CRYZL1: variants seen among roughly 807,000 people sequenced by gnomAD.
The protein encoded by CRYZL1 is ferry endosomal RAB5 effector complex subunit 4.
Under a neutral mutation model 50.6 loss-of-function variants are expected in CRYZL1, and 34 were observed. The ratio of observed to expected loss-of-function variants is 0.67; its 90% CI spans 0.51 to 0.89. CRYZL1 has a LOEUF of 0.89. Ranked by LOEUF, CRYZL1 falls within the 40% of genes least tolerant of loss-of-function variation. CRYZL1 has a pLI of 0.00. For missense variants in CRYZL1, 354 were observed against 402.3 expected (o/e 0.88, Z 1.03); for synonymous variants, 125 against 134.3 (o/e 0.93, Z 0.48).
chr21:33,604,355 C>CAAAAA (rs71194858), intron 6 of CRYZL1, among the ~76,000 whole-genome samples: 4 of 69,622 alleles, frequency 5.7e-5, no homozygotes, highest in Non-Finnish European at 7.6e-5. Context: ...GACTCCGTCT[C>CAAAAA]AAAAAAAAAA....
At chr21:33,591,904 GC>G (rs2086646292) in intron 11 of CRYZL1, among the ~76,000 whole-genome samples, 1 of 151,120 alleles carries the variant, frequency 6.6e-6, no homozygotes, top group African/African-American at 2.4e-5. Flanking sequence ...GTTACAGTGA[GC>G]TGGAATGAGC....
At chr21:33,611,995 T>C (rs2086877655) in intron 6 of CRYZL1, among the ~76,000 whole-genome samples, 1 of 152,212 alleles carries the variant, frequency 6.6e-6, no homozygotes, top group Non-Finnish European at 1.5e-5. Flanking sequence ...CACTGCTCAA[T>C]AGAAATTCAT....
intron 7 of CRYZL1, chr21:33,603,191 C>T: frequency 3.9e-6 from 2 of 508,840 alleles, no homozygotes; most frequent in African/African-American, 1.9e-5. Flanking sequence ...TTTAATGTAC[C>T]AGCAGATTCA....
At chr21:33,593,020 C>G (rs2086658689) in intron 11 of CRYZL1, among the ~76,000 whole-genome samples, 2 of 149,450 alleles carry the variant, frequency 1.3e-5, no homozygotes, top group Non-Finnish European at 3.0e-5. Flanking sequence ...CCACTTCACT[C>G]TAGCCTTGGT....
chr21:33,601,728 G>A (rs1307964235), intron 8 of CRYZL1, among the ~76,000 whole-genome samples: 1 of 152,032 alleles, frequency 6.6e-6, no homozygotes, highest in East Asian at 1.9e-4. Context: ...ACCAGCCTAG[G>A]CAACATGGCT....
intron 6 of CRYZL1, among the ~76,000 whole-genome samples, chr21:33,610,865 G>A (rs2086865809): frequency 1.3e-5 from 2 of 150,728 alleles, no homozygotes. Flanking sequence ...CCGAGTAGCT[G>A]GGATTACAGG....
intron 6 of CRYZL1, among the ~76,000 whole-genome samples, chr21:33,606,111 C>A (rs1161031383): frequency 6.6e-6 from 1 of 152,142 alleles, no homozygotes; most frequent in East Asian, 1.9e-4. Context: ...TTTAAGATAG[C>A]TATTCTCCCA....
intron 8 of CRYZL1, among the ~76,000 whole-genome samples, chr21:33,599,821 G>A (rs1315053984): frequency 3.3e-5 from 5 of 151,728 alleles, no homozygotes; most frequent in African/African-American, 4.8e-5. Flanking sequence ...TTTTTGTAGG[G>A]AGAGGGTCTT....
At chr21:33,614,112 T>TAGTG (rs1161426814) in intron 5 of CRYZL1, among the ~76,000 whole-genome samples, 11 of 147,614 alleles carry the variant, frequency 7.5e-5, no homozygotes, top group Non-Finnish European at 1.2e-4. Context: ...GTGGAGGTTG[T>TAGTG]AGTGAGCTGA....
chr21:33,592,657 G>A (rs1282222848), intron 11 of CRYZL1, among the ~76,000 whole-genome samples: 2 of 152,230 alleles, frequency 1.3e-5, no homozygotes, highest in Admixed American at 6.5e-5. Context: ...CAGTTGGAAG[G>A]AGATGTCTCT....
In CRYZL1 at chr21:33,616,720, T is replaced by A; in HGVS notation, c.248A>T (p.Asp83Val). Residue 83 changes from aspartate (D) to valine (V), a missense_variant, in exon 5 of 13, where the codon GAT becomes GTT. Coordinates refer to ENST00000381554, the MANE Select transcript of CRYZL1 (RefSeq NM_145858.3). ...VGSKVSFFQP[D>V]DEVVGILPLD... ...CTATAACTTACCAACTACTTCATCA[T>A]CTGGTTGAAAGAATGATACCTTGCT... is the stretch of plus-strand genomic sequence containing the variant. 1 of 1,609,452 alleles carries A rather than the reference T, an allele frequency of 6.2e-7. No homozygotes were observed. The highest frequency in any genetic ancestry group is 8.5e-7 in the Non-Finnish European group (1 of 1,177,552).
chr21:33,596,923 C>T (rs866374388), intron 10 of CRYZL1, among the ~76,000 whole-genome samples: 50 of 149,776 alleles, frequency 3.3e-4, no homozygotes, highest in Middle Eastern at 7.0e-3. Flanking sequence ...TGTGGAGTGG[C>T]GCAATCTCGG....
In CRYZL1 at chr21:33,641,055, T is replaced by C. The variant is rs547459273; in HGVS notation, c.-7+626A>G. 17 of 1,421,710 alleles carry C rather than the reference T, an allele frequency of 1.2e-5. No individual in the cohort carries two copies. The African/African-American group carries it at 1.4e-4, about 12-fold the overall frequency. The allele number at this position is 1,421,710 out of a possible 1,614,324, so 88.1% of individuals were successfully genotyped here. A position where few individuals can be genotyped will look rare whatever the true frequency, so the allele number is the denominator to read the frequency against. On this transcript the variant is annotated intron_variant, in intron 1 of 12. Transcript: ENST00000381554. ...AAAATGACATAAGGGACTCGCATTA[T>C]ATTTGTACTGGACAGAGTTCAGGTA...
intron 1 of CRYZL1, among the ~76,000 whole-genome samples, chr21:33,636,355 C>T (rs1357067987): frequency 6.6e-6 from 1 of 152,050 alleles, no homozygotes; most frequent in Non-Finnish European, 1.5e-5. Flanking sequence ...AGAGTGAAAC[C>T]CTGTCTCTTA....
At chr21:33,640,554 A>G (rs553753595) in intron 1 of CRYZL1, among the ~76,000 whole-genome samples, 57 of 152,320 alleles carry the variant, frequency 3.7e-4, no homozygotes, top group African/African-American at 1.4e-3. Context: ...CAAAGCACTC[A>G]GCGCAACATC....
chr21:33,611,938 GT>G (rs2086876988), intron 6 of CRYZL1, among the ~76,000 whole-genome samples: 1 of 152,150 alleles, frequency 6.6e-6, no homozygotes, highest in Admixed American at 6.5e-5. Flanking sequence ...ACTCAATGCT[GT>G]TTGTGAGAGT....
chr21:33,619,847 T>C (rs2086974199), intron 4 of CRYZL1, among the ~76,000 whole-genome samples: 1 of 152,250 alleles, frequency 6.6e-6, no homozygotes, highest in Non-Finnish European at 1.5e-5. Context: ...ATATCCTCCC[T>C]GCTAGGTGTG....
chr21:33,636,382 T>A (rs1049602738), intron 1 of CRYZL1, among the ~76,000 whole-genome samples: 11 of 152,192 alleles, frequency 7.2e-5, no homozygotes, highest in Non-Finnish European at 1.5e-4. Context: ...CAAAACTTTT[T>A]AATTACAATA....
intron 4 of CRYZL1, among the ~76,000 whole-genome samples, chr21:33,621,388 C>T (rs1196714409): frequency 6.6e-6 from 1 of 151,038 alleles, no homozygotes; most frequent in East Asian, 2.0e-4. Context: ...GTCGCCCAGG[C>T]TGGAGTGCAG....
Sources: allele counts gnomAD v4.1 joint callset (sites outside exome capture counted in the v4.1 genomes callset), GRCh38; gene constraint gnomAD v4.1.1; transcripts MANE v1.5; gene names NCBI Gene and HGNC (gene_info 2026-07-23, HGNC 2026-07-21).